The following KLHL2 variants were observed in gnomAD, a reference collection of about 807,000 sequenced individuals.
KLHL2 encodes the protein kelch-like protein 2.
A neutral mutation model predicts 75.8 loss-of-function variants in KLHL2; 15 were observed. The ratio of observed to expected loss-of-function variants is 0.20; its 90% confidence interval spans 0.13 to 0.30. The LOEUF (loss-of-function observed/expected upper bound fraction) is 0.30. Among genes scored for constraint, KLHL2 ranks in the 10% least tolerant of loss-of-function variants. The pLI is 1.00. For missense variants in KLHL2, 381 were observed against 741.0 expected (o/e 0.51, Z 5.64); for synonymous variants, 214 against 251.9 (o/e 0.85, Z 1.42).
chr4:165,286,351 T>A (rs1254452147), intron 5 of KLHL2, among the ~76,000 whole-genome samples: 1 of 151,920 alleles, frequency 6.6e-6, no homozygotes, highest in African/African-American at 2.4e-5. Flanking sequence ...AACATTGGGG[T>A]TTGGGGGGAG....
intron 9 of KLHL2, 150 bp downstream of exon 9, chr4:165,305,875 T>G: frequency 3.2e-6 from 2 of 615,778 alleles, no homozygotes; most frequent in South Asian, 2.0e-5. Flanking sequence ...GGGCCTCATA[T>G]GCCTCTCAAG....
chr4:165,233,850 C>CA (rs1398820851), intron 3 of KLHL2, among the ~76,000 whole-genome samples: 1 of 152,220 alleles, frequency 6.6e-6, no homozygotes, highest in Non-Finnish European at 1.5e-5. Context: ...CTGCCTGTAA[C>CA]AGCAAATGCC....
intron 5 of KLHL2, among the ~76,000 whole-genome samples, chr4:165,266,021 C>T (rs1215737124): frequency 6.6e-6 from 1 of 152,078 alleles, no homozygotes; most frequent in Non-Finnish European, 1.5e-5. Context: ...TTCTAACTGG[C>T]CTGAGATGGT....
intron 2 of KLHL2, among the ~76,000 whole-genome samples, chr4:165,221,421 T>C (rs1418887274): frequency 6.6e-6 from 1 of 152,154 alleles, no homozygotes; most frequent in Non-Finnish European, 1.5e-5. Context: ...GAGAACAGTG[T>C]TCCAGGCATT....
At chr4:165,235,619 A>C (rs1392820395) in intron 3 of KLHL2, among the ~76,000 whole-genome samples, 1 of 152,228 alleles carries the variant, frequency 6.6e-6, no homozygotes. Context: ...AGAGATAAGA[A>C]AGGCTTCATC....
At chr4:165,247,890 T>C (rs1740390769) in intron 4 of KLHL2, among the ~76,000 whole-genome samples, 1 of 152,214 alleles carries the variant, frequency 6.6e-6, no homozygotes, top group African/African-American at 2.4e-5. Flanking sequence ...GTCATAAATA[T>C]CAGGTAGAAT....
intron 11 of KLHL2, among the ~76,000 whole-genome samples, chr4:165,312,460 GT>G (rs1251360874): frequency 1.1e-4 from 16 of 151,382 alleles, no homozygotes; most frequent in Non-Finnish European, 1.5e-5. Context: ...AAATTTGCAG[GT>G]TTCCACCCCC....
At chr4:165,282,842 T>C (rs1457468665) in intron 5 of KLHL2, among the ~76,000 whole-genome samples, 3 of 151,512 alleles carry the variant, frequency 2.0e-5, no homozygotes, top group Non-Finnish European at 4.4e-5. Context: ...TCCATTTCCA[T>C]GCTGCTGATA....
chr4:165,311,350 C>G (rs1746170864), intron 10 of KLHL2, 114 bp from the exon 11 acceptor site: 1 of 682,968 alleles, frequency 1.5e-6, no homozygotes, highest in East Asian at 2.7e-5. Flanking sequence ...TATGTTCCAC[C>G]ATTTTCTTCT....
At chr4:165,260,251 CAAAAG>C (rs1741541632) in intron 4 of KLHL2, among the ~76,000 whole-genome samples, 1 of 152,016 alleles carries the variant, frequency 6.6e-6, no homozygotes, top group African/African-American at 2.4e-5. Context: ...GATTTACTGA[CAAAAG>C]AAAAATATGA....
chr4:165,270,939 C>T (rs987688818), intron 5 of KLHL2, among the ~76,000 whole-genome samples: 4 of 152,108 alleles, frequency 2.6e-5, no homozygotes, highest in African/African-American at 4.8e-5. Context: ...TATGCTTTGT[C>T]GAAGATCAGT....
chr4:165,311,460 A>C lies in KLHL2; in HGVS notation c.1238-4A>C. 1.3e-6 allele frequency: 2 copies of C among 1,596,628 alleles called. No individual in the cohort carries two copies. The highest frequency in any genetic ancestry group is 1.7e-6 in the Non-Finnish European group (2 of 1,166,170). On this transcript the variant is annotated splice_polypyrimidine_tract_variant and splice_region_variant and intron_variant, in intron 10 of 14. Coordinates refer to ENST00000226725, the MANE Select transcript of KLHL2 (RefSeq NM_007246.4). ...GAAATGAAGACTATTGTGCTTTATT[A>C]TAGGTTTGTCATCTGTGGAAGCATA...
Position 165,322,896 on chromosome 4 carries a change from C to T in KLHL2, c.*836C>T, listed in dbSNP as rs981502909. 6.6e-6 allele frequency: 1 copy of T among 152,456 alleles called. No individual in the cohort carries two copies. Among genetic ancestry groups the T allele is most frequent in the African/African-American group, 2.4e-5 (1 of 41,402 alleles). The allele number at this position is 152,456 out of a possible 1,614,324, so 9.4% of individuals were successfully genotyped here. Reference sequence around the variant, plus strand: ...TTTTAATTTTTTTCTTAAATTAACACTTTGGCATGAACATTACTGCAGGTT... The same window carrying T: ...TTTTAATTTTTTTCTTAAATTAACATTTTGGCATGAACATTACTGCAGGTT... On this transcript the variant is annotated 3_prime_UTR_variant, in exon 15 of 15. Coordinates refer to ENST00000226725, the MANE Select transcript of KLHL2 (RefSeq NM_007246.4).
intron 5 of KLHL2, among the ~76,000 whole-genome samples, chr4:165,288,433 T>A (rs1744246190): frequency 6.6e-6 from 1 of 152,224 alleles, no homozygotes; most frequent in South Asian, 2.1e-4. Context: ...TGTTTTGTTT[T>A]CTTGCATGGA....
chr4:165,261,882 CAT>C (rs1741702966), intron 4 of KLHL2, among the ~76,000 whole-genome samples: 1 of 152,048 alleles, frequency 6.6e-6, no homozygotes, highest in Non-Finnish European at 1.5e-5. Context: ...TGCAGTGTGG[CAT>C]ATATGAAAGT....
Position 165,322,365 on chromosome 4 carries a change from A to C in KLHL2, c.*305A>C, listed in dbSNP as rs1366686139. On this transcript the variant is annotated 3_prime_UTR_variant, in exon 15 of 15. Coordinates refer to ENST00000226725, the MANE Select transcript of KLHL2 (RefSeq NM_007246.4). ...AAAGACTAGTTCTTATCAACCTTGA[A>C]TGACTACAGATTATTTTGTGAAGGA... The C allele has an allele frequency of 7.5e-6, 2 of 266,868 alleles. No individual in the cohort carries two copies. Among genetic ancestry groups the C allele is most frequent in the African/African-American group, 2.2e-5 (1 of 45,200 alleles). 16.5% of individuals were successfully genotyped at this position (266,868 alleles called of 1,614,324 possible). A position where few individuals can be genotyped will look rare whatever the true frequency, so the allele number is the denominator to read the frequency against.
chr4:165,283,161 G>A lies in KLHL2; in HGVS notation c.545-11198G>A, dbSNP rs190254153. Among the ~76,000 whole-genome samples the A allele has an allele frequency of 2.7e-3, 415 of 152,262 alleles. 1 individual carries two copies. The highest frequency in any genetic ancestry group is 9.6e-3 in the African/African-American group (400 of 41,514). On this transcript the variant is annotated intron_variant, in intron 5 of 14. Coordinates refer to ENST00000226725, the MANE Select transcript of KLHL2 (RefSeq NM_007246.4). The stretch of plus-strand genomic sequence containing the variant: ...TATGGGAGCTGCAAGATGAGATTTT[G>A]TGGAGACACAGAACCAAACTATATC...
chr4:165,321,070 A>G (rs980503490), intron 14 of KLHL2, among the ~76,000 whole-genome samples: 2 of 152,224 alleles, frequency 1.3e-5, no homozygotes, highest in Non-Finnish European at 1.5e-5. Flanking sequence ...CCCTTCTATG[A>G]TATGTGCACT....
chr4:165,253,293 C>T (rs1360429976), intron 4 of KLHL2, among the ~76,000 whole-genome samples: 1 of 152,190 alleles, frequency 6.6e-6, no homozygotes, highest in Non-Finnish European at 1.5e-5. Flanking sequence ...CTCGGCCTCC[C>T]AAAGTGCTGG....
Sources: gnomAD v4.1 joint callset for allele counts (sites outside exome capture counted in the v4.1 genomes callset) on GRCh38, gnomAD v4.1.1 for gene constraint, MANE v1.5 for transcripts, NCBI Gene and HGNC (gene_info 2026-07-23, HGNC 2026-07-21) for gene names.